The following B4GALNT4 variants were observed in gnomAD, a reference collection of about 807,000 sequenced individuals.
B4GALNT4 encodes the protein N-acetyl-beta-glucosaminyl-glycoprotein 4-beta-N-acetylgalactosaminyltransferase 1.
A neutral mutation model predicts 110.0 loss-of-function variants in B4GALNT4; 77 were observed. The ratio of observed to expected loss-of-function variants is 0.70; its 90% CI spans 0.58 to 0.85. The LOEUF (loss-of-function observed/expected upper bound fraction) is 0.85. Among genes scored for constraint, B4GALNT4 ranks in the 40% least tolerant of loss-of-function variants. The probability of loss-of-function intolerance (pLI) is 0.00; values close to 1 mark genes in which losing one functional copy is unlikely to be tolerated. For synonymous variants in B4GALNT4, 785 were observed against 655.5 expected, an observed-to-expected ratio of 1.20 and a Z score of -3.02; for missense variants, 1,575 against 1,506.0, an observed-to-expected ratio of 1.05 and a Z score of -0.76.
chr11:369,839 G>T lies in B4GALNT4; in HGVS notation c.36G>T (p.Gln12His). 2.0e-6 allele frequency: 2 copies of T among 991,110 alleles called. No individual in the cohort carries two copies. The highest frequency in any genetic ancestry group is 2.4e-6 in the Non-Finnish European group (2 of 834,780). 61.4% of individuals were successfully genotyped at this position (991,110 alleles called of 1,614,324 possible). A position where few individuals can be genotyped will look rare whatever the true frequency, so the allele number is the denominator to read the frequency against. Reference sequence around the variant, plus strand: ...TCCCGGTGAAGAAGATCCGTAAGCAGATGAAGCTGCTGCTGCTGCTGCTGC... The same window carrying T: ...TCCCGGTGAAGAAGATCCGTAAGCATATGAAGCTGCTGCTGCTGCTGCTGC... Reference protein sequence around the residue: ...PRLPVKKIRKQMKLLLLLLLL... With the variant: ...PRLPVKKIRKHMKLLLLLLLL... Residue 12 changes from glutamine to histidine, a missense_variant, in exon 1 of 20, where the codon CAG becomes CAT. Coordinates refer to ENST00000329962, the MANE Select transcript of B4GALNT4 (RefSeq NM_178537.5).
intron 14 of B4GALNT4, 52 bp downstream of exon 14, chr11:377,379 C>A (rs775933486): frequency 3.5e-6 from 5 of 1,439,782 alleles, no homozygotes; most frequent in South Asian, 1.4e-5. Flanking sequence ...CGGGGACAGC[C>A]GGGGAGAGGA....
Position 381,775 on chromosome 11 carries a change from C to T in B4GALNT4, c.3103C>T (p.Arg1035Cys), listed in dbSNP as rs376317908. 33 of 1,580,098 alleles carry T rather than the reference C, an allele frequency of 2.1e-5. No individual in the cohort carries two copies. The highest frequency in any genetic ancestry group is 1.5e-4 in the Admixed American group (8 of 52,746). Reference sequence around the variant, plus strand: ...GAGCGTCCGCAGCAGGAAGGGCTCTCGCACGGGGGCGTCTTGAGGACGGGC... The same window carrying T: ...GAGCGTCCGCAGCAGGAAGGGCTCTTGCACGGGGGCGTCTTGAGGACGGGC... ...MWSVRSRKGS[R>C]TGAS Residue 1035 changes from arginine (R) to cysteine (C), a missense_variant, in exon 20 of 20, where the codon CGC (arginine) becomes TGC (cysteine). Physicochemically the swap from Arg to Cys is radical, Grantham distance 180. Transcript: ENST00000329962.
chr11:378,897 G>A (rs1846814086), intron 14 of B4GALNT4, among the ~76,000 whole-genome samples: 1 of 152,126 alleles, frequency 6.6e-6, no homozygotes, highest in African/African-American at 2.4e-5. Flanking sequence ...AGGAGTGGCT[G>A]GGAGGACTGG....
At chr11:372,268 T>C in intron 2 of B4GALNT4, 56 bp downstream of exon 2, 2 of 1,484,860 alleles carry the variant, frequency 1.3e-6, no homozygotes. Context: ...CCGAAGCCAC[T>C]TGTGTGTTGG....
chr11:374,171 T>A (rs956114284), intron 8 of B4GALNT4, among the ~76,000 whole-genome samples: 1 of 151,986 alleles, frequency 6.6e-6, no homozygotes, highest in African/African-American at 2.4e-5. Context: ...AGGGGTCTGG[T>A]GGCCAGATCA....
At position 379,463 on chromosome 11, in the gene B4GALNT4, C is replaced by T. The variant is rs946166688; in HGVS notation, c.2250C>T (p.Asp750=). Residue 750 remains aspartate, a synonymous_variant, in exon 15 of 20, where the codon GAC becomes GAT. Coordinates refer to ENST00000329962, the MANE Select transcript of B4GALNT4 (RefSeq NM_178537.5). ...LRIVNVEKRR[D]SARGSRFLLE... The stretch of plus-strand genomic sequence containing the variant: ...TCGTGAACGTGGAGAAGCGCCGGGA[C>T]TCGGCGCGAGGGAGTCGCTTCCTGC... 7 of 1,555,162 alleles carry T rather than the reference C, an allele frequency of 4.5e-6. No homozygotes were observed. The highest frequency in any genetic ancestry group is 2.4e-5 in the East Asian group (1 of 42,350).
At chr11:381,228 T>A in intron 19 of B4GALNT4, 1 of 789,326 alleles carries the variant, frequency 1.3e-6, no homozygotes, top group African/African-American at 1.9e-5. Context: ...GTCCCCATCA[T>A]CCCACTGGGG....
intron 1 of B4GALNT4, among the ~76,000 whole-genome samples, chr11:371,008 G>A (rs1846609584): frequency 6.6e-6 from 1 of 152,150 alleles, no homozygotes; most frequent in South Asian, 2.1e-4. Flanking sequence ...GCTATCAGCA[G>A]ACAGGGCAGG....
At position 376,951 on chromosome 11, in the gene B4GALNT4, G is replaced by C; in HGVS notation, c.1828G>C (p.Ala610Pro). The change falls in exon 14 of 20, where the codon GCG (alanine) becomes CCG (proline). Residue 610 changes from alanine to proline, a missense_variant. Ala to Pro is a conservative substitution (Grantham distance 27). Transcript: ENST00000329962. Reference protein sequence around the residue: ...REGQARTLGPAAPTVDSNLSS... With the variant: ...REGQARTLGPPAPTVDSNLSS... ...GGGCCAGGCGCGCACGCTGGGACCTGCGGCGCCCACAGTGGACTCAAACTT... is the reference window on the plus strand; with the variant it reads ...GGGCCAGGCGCGCACGCTGGGACCTCCGGCGCCCACAGTGGACTCAAACTT... 6.9e-7 allele frequency: 1 copy of C among 1,447,624 alleles called. No homozygotes were observed. Among genetic ancestry groups the C allele is most frequent in the Non-Finnish European group, 9.0e-7 (1 of 1,105,800 alleles). The allele number at this position is 1,447,624 out of a possible 1,614,324, so 89.7% of individuals were successfully genotyped here. A position where few individuals can be genotyped will look rare whatever the true frequency, so the allele number is the denominator to read the frequency against.
chr11:375,282 C>T (rs763596335), intron 8 of B4GALNT4, among the ~76,000 whole-genome samples, 179 bp from the exon 9 acceptor site: 2 of 151,864 alleles, frequency 1.3e-5, no homozygotes, highest in African/African-American at 2.4e-5. Context: ...TCTGGGCTTC[C>T]TTCCCCAGCT....
chr11:382,033 G>T lies in B4GALNT4; in HGVS notation c.*241G>T, dbSNP rs936519545. The T allele has an allele frequency of 2.5e-6, 1 of 405,836 alleles. No individual in the cohort carries two copies. The highest frequency in any genetic ancestry group is 4.4e-5 in the East Asian group (1 of 22,926). 25.1% of individuals were successfully genotyped at this position (405,836 alleles called of 1,614,324 possible). A position where few individuals can be genotyped will look rare whatever the true frequency, so the allele number is the denominator to read the frequency against. The stretch of plus-strand genomic sequence containing the variant: ...GATTTCTGTGAAATTTTGCTGTAGC[G>T]ATGACATTGTTTTCAGAATTTCCAA... On this transcript the variant is annotated 3_prime_UTR_variant, in exon 20 of 20. Coordinates refer to ENST00000329962, the MANE Select transcript of B4GALNT4 (RefSeq NM_178537.5).
At chr11:381,186 C>A (rs1846868184) in intron 19 of B4GALNT4, 1 of 972,120 alleles carries the variant, frequency 1.0e-6, no homozygotes, top group African/African-American at 1.8e-5. Flanking sequence ...ACCAGCTCTG[C>A]CCCCGATCCC....
chr11:379,458 C>A lies in B4GALNT4; in HGVS notation c.2245C>A (p.Arg749=), dbSNP rs778846368. The A allele has an allele frequency of 3.2e-6, 5 of 1,551,408 alleles. No individual in the cohort carries two copies. The African/African-American group carries it at 6.9e-5, about 21-fold the overall frequency. Reference sequence around the variant, plus strand: ...GCGCATCGTGAACGTGGAGAAGCGCCGGGACTCGGCGCGAGGGAGTCGCTT... The same window carrying A: ...GCGCATCGTGAACGTGGAGAAGCGCAGGGACTCGGCGCGAGGGAGTCGCTT... The part of the protein sequence containing the change: ...LLRIVNVEKR[R]DSARGSRFLL... Residue 749 remains arginine, a synonymous_variant, in exon 15 of 20, where the codon CGG becomes AGG. Coordinates refer to ENST00000329962, the MANE Select transcript of B4GALNT4 (RefSeq NM_178537.5).
rs1327857034 is a variant in B4GALNT4, at chr11:369,712, G to C, written c.-92G>C. ...CGGGGCCGCGGGCGCTGAGCGCGGC[G>C]GGGCGGGCCGGGGATGCGGCGCGGG... On this transcript the variant is annotated 5_prime_UTR_variant, in exon 1 of 20. Transcript: ENST00000329962. 1 of 638,664 alleles carries C rather than the reference G, an allele frequency of 1.6e-6. No individual in the cohort carries two copies. The highest frequency in any genetic ancestry group is 1.9e-6 in the Non-Finnish European group (1 of 516,892). 39.6% of individuals were successfully genotyped at this position (638,664 alleles called of 1,614,324 possible).
intron 19 of B4GALNT4, chr11:381,218 GTCCCCA>G (rs1313607452): frequency 1.2e-6 from 1 of 869,374 alleles, no homozygotes. Flanking sequence ...GTGGCCCTGA[GTCCCCA>G]TCATCCCACT....
chr11:371,190 C>T lies in B4GALNT4; in HGVS notation c.152-919C>T, dbSNP rs113461059. On this transcript the variant is annotated intron_variant, in intron 1 of 19. Transcript: ENST00000329962. ...CCAGCTCCGCCCCAGGGCACCTGTA[C>T]ACTTGCTACCTCTGAGGCTAGGGCC... Among the ~76,000 whole-genome samples the T allele has an allele frequency of 4.6e-3, 708 of 152,298 alleles. 9 individuals are homozygous for T. The highest frequency in any genetic ancestry group is 0.016 in the African/African-American group (671 of 41,562).
rs994104060 is a variant in B4GALNT4 at position 377,285 on chromosome 11, T to C, written c.2162T>C (p.Val721Ala). 2 of 1,589,968 alleles carry C rather than the reference T, an allele frequency of 1.3e-6. No homozygotes were observed. The highest frequency in any genetic ancestry group is 1.7e-6 in the Non-Finnish European group (2 of 1,170,264). Reference protein sequence around the residue: ...LQLPEAEAVDVTAQYMERLNA... With the variant: ...LQLPEAEAVDATAQYMERLNA... Reference sequence around the variant, plus strand: ...CTGCCGGAGGCGGAGGCCGTGGACGTGACCGCTCAGTACATGGAGCGGCTG... The same window carrying C: ...CTGCCGGAGGCGGAGGCCGTGGACGCGACCGCTCAGTACATGGAGCGGCTG... The change falls in exon 14 of 20, where the codon GTG becomes GCG. Residue 721 changes from valine (V) to alanine (A), a missense_variant. Coordinates refer to ENST00000329962, the MANE Select transcript of B4GALNT4 (RefSeq NM_178537.5).
chr11:381,929 C>T lies in B4GALNT4; in HGVS notation c.*137C>T, dbSNP rs551047798. The T allele has an allele frequency of 2.7e-5, 30 of 1,107,050 alleles. No homozygotes were observed. The South Asian group carries it at 5.2e-4, about 19-fold the overall frequency. The allele number at this position is 1,107,050 out of a possible 1,614,324, so 68.6% of individuals were successfully genotyped here. ...CCGCCTGTGCCTGCCCCTCTCTGGC[C>T]CACTGGGCGTCGTGCCCCTCCCCGG... On this transcript the variant is annotated 3_prime_UTR_variant, in exon 20 of 20. Transcript: ENST00000329962.
At chr11:374,324 A>G (rs1189123127) in intron 8 of B4GALNT4, among the ~76,000 whole-genome samples, 1 of 151,798 alleles carries the variant, frequency 6.6e-6, no homozygotes, top group East Asian at 2.0e-4. Flanking sequence ...TTGGTCCTCA[A>G]ACCCAGGGAG....
Sources: allele counts gnomAD v4.1 joint callset (sites outside exome capture counted in the v4.1 genomes callset), GRCh38; gene constraint gnomAD v4.1.1; transcripts MANE v1.5; gene names NCBI Gene and HGNC (gene_info 2026-07-23, HGNC 2026-07-21).